The following PRKDC variants were observed in gnomAD, a reference collection of about 807,000 sequenced individuals.
The protein encoded by PRKDC is DNA-dependent protein kinase catalytic subunit.
In PRKDC, 82 loss-of-function variants were observed where a neutral mutation model predicts 486.9. That is an observed-to-expected ratio of 0.17 (90% CI 0.14 to 0.20). PRKDC has a LOEUF of 0.20. Ranked by LOEUF, PRKDC falls within the 10% of genes least tolerant of loss-of-function variation. PRKDC has a pLI of 1.00. For synonymous variants in PRKDC, 1,895 were observed against 1,837.0 expected, an observed-to-expected ratio of 1.03 and a Z score of -0.81; for missense variants, 4,504 against 5,038.2, an observed-to-expected ratio of 0.89 and a Z score of 3.21.
intron 63 of PRKDC, among the ~76,000 whole-genome samples, chr8:47,824,725 A>G (rs899309400): frequency 6.6e-6 from 1 of 152,206 alleles, no homozygotes; most frequent in African/African-American, 2.4e-5. Context: ...CTTTACCTTA[A>G]CAAAATTCTG....
intron 51 of PRKDC, 137 bp downstream of exon 51, chr8:47,853,946 C>A (rs2088475778): frequency 7.9e-6 from 9 of 1,135,766 alleles, no homozygotes; most frequent in Non-Finnish European, 1.1e-5. Flanking sequence ...GAATTACAGG[C>A]ATGAGCCACC....
At chr8:47,931,104 G>C (rs1054611987) in intron 16 of PRKDC, among the ~76,000 whole-genome samples, 2 of 152,232 alleles carry the variant, frequency 1.3e-5, no homozygotes, top group African/African-American at 2.4e-5. Context: ...GTGACCTAGA[G>C]ATTTCAAGTG....
At chr8:47,947,973 T>C (rs1157906842) in intron 7 of PRKDC, among the ~76,000 whole-genome samples, 2 of 151,618 alleles carry the variant, frequency 1.3e-5, no homozygotes, top group African/African-American at 2.4e-5. Context: ...CCCAGCTACT[T>C]GGGGAGGACC....
In PRKDC at chr8:47,826,818, G is replaced by A. The variant is rs779081207; in HGVS notation, c.8621C>T (p.Ala2874Val). ...GGCCAGGCAACCAGCGCTAACAGCC[G>A]CTGGGTCGAGGCTCAGCAGGGCTGC... ...QHAALLSLDPAAVSAGCLASL... is the reference protein window; with the variant it reads ...QHAALLSLDPVAVSAGCLASL... The change falls in exon 63 of 86, where the codon GCG becomes GTG. Residue 2874 changes from alanine (A) to valine (V), a missense_variant. Ala to Val is a moderately conservative substitution (Grantham distance 64, BLOSUM62 0). Coordinates refer to ENST00000314191, the MANE Select transcript of PRKDC (RefSeq NM_006904.7). 16 of 1,603,456 alleles carry A rather than the reference G, an allele frequency of 1.0e-5. No individual in the cohort carries two copies. Among genetic ancestry groups the A allele is most frequent in the South Asian group, 6.7e-5 (6 of 89,574 alleles).
chr8:47,836,790 C>T (rs1242522096), intron 57 of PRKDC, among the ~76,000 whole-genome samples: 1 of 152,206 alleles, frequency 6.6e-6, no homozygotes, highest in Non-Finnish European at 1.5e-5. Flanking sequence ...TGCTCAGCAC[C>T]ACAACCCAAA....
chr8:47,777,132 C>A, intron 84 of PRKDC, 149 bp from the exon 85 acceptor site: 2 of 930,926 alleles, frequency 2.1e-6, no homozygotes, highest in Non-Finnish European at 3.2e-6. Context: ...GCTGTTCATA[C>A]AGACTCCATG....
At position 47,777,826 on chromosome 8, in the gene PRKDC, T is replaced by C. The variant is rs2086632840; in HGVS notation, c.11902A>G (p.Ile3968Val). The change falls in exon 84 of 86, where the codon ATC (isoleucine) becomes GTC (valine). Residue 3968 changes from isoleucine to valine, a missense_variant. Around this residue, in one of 6 missense-constraint regions of PRKDC, gnomAD observed 706 missense variants for 945.0 expected, o/e 0.75. Coordinates refer to ENST00000314191, the MANE Select transcript of PRKDC (RefSeq NM_006904.7). ...TCTTTCATTGGTAACATCAGATTGA[T>C]AAACTGGCGAGTTAGCCGAAAAGGC... ...LMPFRLTRQF[I>V]NLMLPMKETG... 6.2e-7 allele frequency: 1 copy of C among 1,613,854 alleles called. No homozygotes were observed.
intron 74 of PRKDC, among the ~76,000 whole-genome samples, chr8:47,792,049 T>C (rs538612344): frequency 1.8e-4 from 27 of 152,132 alleles, no homozygotes; most frequent in African/African-American, 6.5e-4. Context: ...TGAAACAACA[T>C]GGATGGAACT....
At chr8:47,939,104 A>G (rs1457239084) in intron 11 of PRKDC, among the ~76,000 whole-genome samples, 1 of 152,224 alleles carries the variant, frequency 6.6e-6, no homozygotes, top group Non-Finnish European at 1.5e-5. Flanking sequence ...TCTGCAAAAC[A>G]GAGTAATACT....
chr8:47,905,101 G>C, intron 25 of PRKDC, 125 bp from the exon 26 acceptor site: 1 of 666,410 alleles, frequency 1.5e-6, no homozygotes, highest in East Asian at 2.9e-5. Context: ...GGTTGTATTA[G>C]TTTCCTTTTT....
chr8:47,949,099 C>A (rs955437102), intron 7 of PRKDC, among the ~76,000 whole-genome samples: 2 of 152,210 alleles, frequency 1.3e-5, no homozygotes, highest in Admixed American at 6.5e-5. Context: ...TCCAGAGGCA[C>A]CCCCATGCCT....
intron 64 of PRKDC, among the ~76,000 whole-genome samples, chr8:47,823,424 A>T (rs1302469836): frequency 1.3e-5 from 2 of 151,768 alleles, no homozygotes; most frequent in African/African-American, 4.8e-5. Context: ...ACCAATGCAT[A>T]AAAGCTTCCC....
chr8:47,943,302 C>A lies in PRKDC; in HGVS notation c.873G>T (p.Val291=), dbSNP rs751717081. The change falls in exon 10 of 86, where the codon GTG becomes GTT. Residue 291 remains valine, a synonymous_variant. Coordinates refer to ENST00000314191, the MANE Select transcript of PRKDC (RefSeq NM_006904.7). ...QFSTCLLDNY[V]SLFEVLLKWC... ...ACTTTAACAAGACTTCAAATAGAGA[C>A]ACGTAGTTGTCCAGAAGGCAGGTGC... The A allele has an allele frequency of 1.2e-6, 2 of 1,612,460 alleles. No individual in the cohort carries two copies. The highest frequency in any genetic ancestry group is 2.2e-5 in the South Asian group (2 of 90,664).
At chr8:47,947,758 A>C (rs539523197) in intron 7 of PRKDC, among the ~76,000 whole-genome samples, 47 of 152,192 alleles carry the variant, frequency 3.1e-4, no homozygotes, top group African/African-American at 1.1e-3. Context: ...AAACACAAAA[A>C]TTAGCTGGAC....
At chr8:47,959,783 C>G (rs961315411) in intron 1 of PRKDC, among the ~76,000 whole-genome samples, 190 bp downstream of exon 1, 1 of 152,192 alleles carries the variant, frequency 6.6e-6, no homozygotes, top group Admixed American at 6.5e-5. Flanking sequence ...AATATCTTTC[C>G]TCTAATACTA....
chr8:47,847,869 C>T (rs1480235158), intron 54 of PRKDC, among the ~76,000 whole-genome samples: 3 of 137,754 alleles, frequency 2.2e-5, no homozygotes, highest in Non-Finnish European at 3.1e-5. Context: ...TAAAAGCGGC[C>T]AACAAATATA....
intron 44 of PRKDC, 78 bp from the exon 45 acceptor site, chr8:47,861,049 G>A: frequency 3.2e-6 from 3 of 948,052 alleles, no homozygotes; most frequent in South Asian, 4.1e-5. Context: ...TAGCAATCTG[G>A]CAAAAAAAAA....
chr8:47,804,565 G>A (rs2087179331), intron 69 of PRKDC, among the ~76,000 whole-genome samples: 2 of 152,132 alleles, frequency 1.3e-5, no homozygotes, highest in East Asian at 3.8e-4. Context: ...CTCTCAAAGT[G>A]CTGGAATTAC....
rs1423626269 is a variant in PRKDC, at chr8:47,888,640, G to A, written c.4291C>T (p.Leu1431Phe). The A allele has an allele frequency of 6.3e-7, 1 of 1,583,822 alleles. No homozygotes were observed. Among genetic ancestry groups the A allele is most frequent in the African/African-American group, 1.4e-5 (1 of 74,046 alleles). ...EKITAQSIEE[L>F]CAVNLYGPDA... ...GGGCCATACAAGTTGACGGCACAAA[G>A]CTCCTCAATGCTGGCCATGTGACAA... The change falls in exon 34 of 86, where the codon CTT (leucine) becomes TTT (phenylalanine). Residue 1431 changes from leucine (L) to phenylalanine (F), a missense_variant. Coordinates refer to ENST00000314191, the MANE Select transcript of PRKDC (RefSeq NM_006904.7).
Sources: gnomAD v4.1 joint callset for allele counts (sites outside exome capture counted in the v4.1 genomes callset) on GRCh38, gnomAD v4.1.1 for gene constraint, gnomAD v4.1.1 regional missense constraint, MANE v1.5 for transcripts, NCBI Gene and HGNC (gene_info 2026-07-23, HGNC 2026-07-21) for gene names.